The following TCF12 variants were observed in gnomAD, a reference collection of about 807,000 sequenced individuals.
TCF12 encodes DNA-binding protein HTF4.
A neutral mutation model predicts 86.0 loss-of-function variants in TCF12; 45 were observed. The observed-to-expected ratio is 0.52, with a 90% CI of 0.41 to 0.67. TCF12 has a LOEUF of 0.67. Among genes scored for constraint, TCF12 ranks in the 30% least tolerant of loss-of-function variants. The pLI, the probability that TCF12 is intolerant of heterozygous loss-of-function variation, is 0.00. For missense variants in TCF12, 881 were observed against 859.9 expected (o/e 1.02, Z -0.31); for synonymous variants, 330 against 299.6 (o/e 1.10, Z -1.05).
intron 4 of TCF12, among the ~76,000 whole-genome samples, chr15:57,086,619 A>C (rs1320174097): frequency 6.6e-6 from 1 of 151,796 alleles, no homozygotes; most frequent in Non-Finnish European, 1.5e-5. Flanking sequence ...GCACAGAATA[A>C]TCTCACGCAA....
intron 5 of TCF12, among the ~76,000 whole-genome samples, chr15:57,095,935 G>A (rs1222784874): frequency 6.6e-6 from 1 of 152,146 alleles, no homozygotes; most frequent in Non-Finnish European, 1.5e-5. Flanking sequence ...CTAAGGCAGA[G>A]GACAATTAAG....
At chr15:57,200,076 G>T (rs1224324907) in intron 8 of TCF12, among the ~76,000 whole-genome samples, 4 of 149,328 alleles carry the variant, frequency 2.7e-5, no homozygotes, top group Admixed American at 2.0e-4. Context: ...AGACGAGGAG[G>T]TCTCTGTCCA....
At chr15:57,263,336 A>G (rs2060678583) in intron 18 of TCF12, 62 bp downstream of exon 18, 5 of 1,523,768 alleles carry the variant, frequency 3.3e-6, no homozygotes, top group Admixed American at 2.1e-5. Context: ...ATACTTGAGA[A>G]GCTGGGTGTC....
chr15:57,056,244 G>A (rs1294445078), intron 3 of TCF12, among the ~76,000 whole-genome samples: 7 of 151,578 alleles, frequency 4.6e-5, no homozygotes, highest in African/African-American at 9.7e-5. Flanking sequence ...GGGTTCAAGC[G>A]ATTTTCCTGC....
At chr15:57,033,252 A>G (rs1230645209) in intron 3 of TCF12, among the ~76,000 whole-genome samples, 1 of 152,226 alleles carries the variant, frequency 6.6e-6, no homozygotes, top group Non-Finnish European at 1.5e-5. Flanking sequence ...AAATATATAT[A>G]TATTTGAAGA....
intron 5 of TCF12, among the ~76,000 whole-genome samples, chr15:57,119,631 T>C (rs1196574558): frequency 1.3e-5 from 2 of 151,982 alleles, no homozygotes; most frequent in Admixed American, 6.6e-5. Context: ...CCTCCTACTT[T>C]ATTCAACAGC....
intron 3 of TCF12, among the ~76,000 whole-genome samples, chr15:56,999,370 A>G (rs1380880427): frequency 6.6e-6 from 1 of 150,576 alleles, no homozygotes; most frequent in East Asian, 2.0e-4. Context: ...TTAGCAATAC[A>G]GCAGAAAAAG....
intron 8 of TCF12, chr15:57,219,655 G>A (rs2058489783): frequency 1.4e-5 from 20 of 1,455,574 alleles, no homozygotes; most frequent in Admixed American, 9.0e-5. Context: ...TACATTACTC[G>A]CTTTTTACTA....
chr15:56,971,183 G>A (rs1320485739), intron 3 of TCF12, among the ~76,000 whole-genome samples: 1 of 152,142 alleles, frequency 6.6e-6, no homozygotes, highest in African/African-American at 2.4e-5. Flanking sequence ...CAGCACTTTG[G>A]GAGGCCGAGG....
At chr15:56,980,172 A>G (rs2062822532) in intron 3 of TCF12, among the ~76,000 whole-genome samples, 1 of 152,188 alleles carries the variant, frequency 6.6e-6, no homozygotes, top group African/African-American at 2.4e-5. Context: ...CAGCCTGGTC[A>G]ACATAAAGAG....
At chr15:57,026,273 G>A (rs2065820403) in intron 3 of TCF12, among the ~76,000 whole-genome samples, 1 of 152,224 alleles carries the variant, frequency 6.6e-6, no homozygotes, top group Non-Finnish European at 1.5e-5. Context: ...CCAGCCAATA[G>A]TGTGCCAAAC....
intron 8 of TCF12, chr15:57,214,266 T>G (rs2058242443): frequency 6.6e-6 from 1 of 152,228 alleles, no homozygotes; most frequent in Non-Finnish European, 1.5e-5. Flanking sequence ...TAGTTCTGTC[T>G]CATTTGAAGG....
intron 8 of TCF12, chr15:57,219,286 T>G: frequency 8.3e-7 from 1 of 1,208,918 alleles, no homozygotes; most frequent in Non-Finnish European, 1.0e-6. Flanking sequence ...TTTTGTCTTA[T>G]TGGTATCCTC....
intron 5 of TCF12, among the ~76,000 whole-genome samples, chr15:57,137,119 A>G (rs2052604850): frequency 6.6e-6 from 1 of 151,904 alleles, no homozygotes; most frequent in African/African-American, 2.4e-5. Context: ...AGCTGGGACT[A>G]CAGGCACCTG....
At chr15:57,171,318 G>T (rs1029505180) in intron 6 of TCF12, among the ~76,000 whole-genome samples, 1 of 151,812 alleles carries the variant, frequency 6.6e-6, no homozygotes, top group Admixed American at 6.6e-5. Context: ...TTATTCTGCA[G>T]CAAGGATAAA....
chr15:57,027,084 G>A (rs2065867382), intron 3 of TCF12, among the ~76,000 whole-genome samples: 5 of 151,938 alleles, frequency 3.3e-5, no homozygotes. Flanking sequence ...AGATACCTAG[G>A]GCTGACTGTA....
intron 3 of TCF12, among the ~76,000 whole-genome samples, chr15:56,923,300 T>C (rs2059872654): frequency 6.6e-6 from 1 of 152,118 alleles, no homozygotes; most frequent in Non-Finnish European, 1.5e-5. Context: ...TGATGTTATC[T>C]TTAATCTTAT....
At chr15:57,076,112 T>A (rs2070010050) in intron 4 of TCF12, among the ~76,000 whole-genome samples, 2 of 151,606 alleles carry the variant, frequency 1.3e-5, no homozygotes, top group African/African-American at 4.8e-5. Flanking sequence ...TGCCTTGGCC[T>A]CCCAAAGTCC....
chr15:57,080,784 C>A (rs576567957), intron 4 of TCF12, among the ~76,000 whole-genome samples: 1 of 152,250 alleles, frequency 6.6e-6, no homozygotes, highest in African/African-American at 2.4e-5. Context: ...AATATTAATT[C>A]TTAACTATAA....
Sources: allele counts gnomAD v4.1 joint callset (sites outside exome capture counted in the v4.1 genomes callset), GRCh38; gene constraint gnomAD v4.1.1; transcripts MANE v1.5; gene names NCBI Gene and HGNC (gene_info 2026-07-23, HGNC 2026-07-21).